Variants in GLT8D1 observed in about 807,000 individuals in gnomAD.
GLT8D1 encodes glycosyltransferase 8 domain-containing protein 1.
GLT8D1 carries 41 observed loss-of-function variants against 46.2 expected under a neutral mutation model. The ratio of observed to expected loss-of-function variants is 0.89; its 90% CI spans 0.69 to 1.15. The LOEUF is 1.15. GLT8D1 is among the 50% of genes most tolerant of loss of function. The pLI is 0.00. For synonymous variants in GLT8D1, 150 were observed against 154.2 expected, an observed-to-expected ratio of 0.97 and a Z score of 0.20; for missense variants, 408 against 449.3, an observed-to-expected ratio of 0.91 and a Z score of 0.83.
intron 7 of GLT8D1, 154 bp from the exon 8 acceptor site, chr3:52,695,741 A>G (rs755568601): frequency 4.7e-6 from 3 of 638,330 alleles, no homozygotes; most frequent in Non-Finnish European, 8.4e-6. Flanking sequence ...AGATGTTGAC[A>G]TAATAAACCA....
chr3:52,696,205 A>C (rs1229766829), intron 6 of GLT8D1, 29 bp downstream of exon 6: 1 of 1,434,304 alleles, frequency 7.0e-7, no homozygotes, highest in South Asian at 1.1e-5. Flanking sequence ...CTGGGTGGAG[A>C]ACAGCACTCA....
At chr3:52,695,109 A>C in intron 9 of GLT8D1, 74 bp from the exon 10 acceptor site, 25 of 1,439,434 alleles carry the variant, frequency 1.7e-5, no homozygotes, top group Non-Finnish European at 2.4e-5. Flanking sequence ...TAAGGGAAAC[A>C]AAGAATATAC....
intron 1 of GLT8D1, chr3:52,703,991 A>T (rs1014375454): frequency 3.9e-5 from 6 of 152,212 alleles, no homozygotes; most frequent in African/African-American, 1.4e-4. Context: ...TTAGCAACAC[A>T]GTTGGTCCTC....
At chr3:52,701,915 G>A (rs1158113575) in intron 1 of GLT8D1, among the ~76,000 whole-genome samples, 2 of 152,196 alleles carry the variant, frequency 1.3e-5, no homozygotes, top group Non-Finnish European at 2.9e-5. Flanking sequence ...CCAAGATATC[G>A]TGAACCTACC....
intron 1 of GLT8D1, among the ~76,000 whole-genome samples, chr3:52,701,663 G>A (rs969797810): frequency 1.3e-5 from 2 of 152,032 alleles, no homozygotes; most frequent in African/African-American, 2.4e-5. Context: ...CACCACGCCC[G>A]GCCAAAAAAA....
rs772425056 is a variant in GLT8D1 at position 52,694,843 on chromosome 3, T to G, written c.*2A>C. 2.5e-6 allele frequency: 4 copies of G among 1,600,608 alleles called. No homozygotes were observed. Among genetic ancestry groups the G allele is most frequent in the Non-Finnish European group, 2.6e-6 (3 of 1,167,874 alleles). On this transcript the variant is annotated 3_prime_UTR_variant, in exon 10 of 10. Transcript: ENST00000266014. ...ATGCTTGCTTACAGTTCAAATTCTG[T>G]TTCACTTTATGTTTGAGATCTCGGT...
chr3:52,697,609 C>A, intron 4 of GLT8D1, 112 bp downstream of exon 4: 6 of 775,030 alleles, frequency 7.7e-6, no homozygotes, highest in Admixed American at 5.4e-5. Flanking sequence ...ATCACTGGTA[C>A]AATTTCAATT....
At chr3:52,700,559 T>C in intron 1 of GLT8D1, 63 bp from the exon 2 acceptor site, 1 of 676,982 alleles carries the variant, frequency 1.5e-6, no homozygotes, top group South Asian at 2.0e-5. Flanking sequence ...CAAAATGCCC[T>C]AACACTTTTT....
rs1432133075 is a variant in GLT8D1 at position 52,695,526 on chromosome 3, G to C, written c.707C>G (p.Ala236Gly). The change falls in exon 8 of 10, where the codon GCC (alanine) becomes GGC (glycine). Residue 236 changes from alanine (A) to glycine (G), a missense_variant. Coordinates refer to ENST00000266014, the MANE Select transcript of GLT8D1 (RefSeq NM_018446.4). Reference sequence around the variant, plus strand: ...TCCAGGATTAAATGAGCAAGTGCTGGCTTTCATGGAAAGCTTACGAATTCT... The same window carrying C: ...TCCAGGATTAAATGAGCAAGTGCTGCCTTTCATGGAAAGCTTACGAATTCT... The part of the protein sequence containing the change: ...KERIRKLSMK[A>G]STCSFNPGVF... The C allele has an allele frequency of 5.0e-6, 8 of 1,610,916 alleles. No individual in the cohort carries two copies. The highest frequency in any genetic ancestry group is 1.3e-5 in the African/African-American group (1 of 74,846).
chr3:52,705,680 C>G lies in GLT8D1; in HGVS notation c.-270G>C, dbSNP rs1329044405. The G allele has an allele frequency of 3.1e-6, 1 of 326,032 alleles. No homozygotes were observed. The highest frequency in any genetic ancestry group is 5.9e-5 in the Admixed American group (1 of 16,912). 20.2% of individuals were successfully genotyped at this position (326,032 alleles called of 1,614,324 possible). On this transcript the variant is annotated 5_prime_UTR_variant, in exon 1 of 10. Transcript: ENST00000266014. ...GTTGTCTGGCCGCCCGCGTTCCCTG[C>G]ACGCTGGGCCGAGCACACTTGCCCT... is the stretch of plus-strand genomic sequence containing the variant.
At chr3:52,696,508 C>T in intron 5 of GLT8D1, 34 bp downstream of exon 5, 1 of 1,171,684 alleles carries the variant, frequency 8.5e-7, no homozygotes, top group Non-Finnish European at 1.3e-6. Context: ...TTTCCTAATA[C>T]TGCCAAGTGC....
intron 3 of GLT8D1, among the ~76,000 whole-genome samples, chr3:52,699,838 T>C (rs1335504145): frequency 6.6e-6 from 1 of 152,190 alleles, no homozygotes; most frequent in African/African-American, 2.4e-5. Flanking sequence ...CCTCAAACAT[T>C]TCTCAGTACC....
chr3:52,701,400 G>A (rs561690957), intron 1 of GLT8D1: 1 of 151,456 alleles, frequency 6.6e-6, no homozygotes, highest in South Asian at 2.1e-4. Flanking sequence ...ACGGAGTCTT[G>A]TTCTGTCGTC....
chr3:52,701,749 C>T (rs867328235), intron 1 of GLT8D1, among the ~76,000 whole-genome samples: 25 of 152,358 alleles, frequency 1.6e-4, no homozygotes, highest in African/African-American at 5.5e-4. Flanking sequence ...GTCTAATTGT[C>T]ACAATGTCCT....
Position 52,705,731 on chromosome 3 carries a change from C to T in GLT8D1, c.-321G>A. On this transcript the variant is annotated 5_prime_UTR_variant, in exon 1 of 10. Transcript: ENST00000266014. Reference sequence around the variant, plus strand: ...CTAGCTCCGTGGCAGCCGCGCAGCCCCACTACGCCCAGCCAGCCCGCAGCG... The same window carrying T: ...CTAGCTCCGTGGCAGCCGCGCAGCCTCACTACGCCCAGCCAGCCCGCAGCG... 1 of 756,504 alleles carries T rather than the reference C, an allele frequency of 1.3e-6. No individual in the cohort carries two copies. The highest frequency in any genetic ancestry group is 1.8e-6 in the Non-Finnish European group (1 of 565,008). 46.9% of individuals were successfully genotyped at this position (756,504 alleles called of 1,614,324 possible). A position where few individuals can be genotyped will look rare whatever the true frequency, so the allele number is the denominator to read the frequency against.
At chr3:52,704,390 C>G (rs891813483) in intron 1 of GLT8D1, among the ~76,000 whole-genome samples, 1 of 131,260 alleles carries the variant, frequency 7.6e-6, no homozygotes, top group African/African-American at 2.9e-5. Flanking sequence ...ACCCAGGAGG[C>G]GGAGGTTGCA....
chr3:52,694,646 G>A lies in GLT8D1; in HGVS notation c.*199C>T. On this transcript the variant is annotated 3_prime_UTR_variant, in exon 10 of 10. Transcript: ENST00000266014. ...TAGTAAGAAAACACTTGGTAAGGCAGATGGAGACATATTTATAGTCTATAG... is the reference window on the plus strand; with the variant it reads ...TAGTAAGAAAACACTTGGTAAGGCAAATGGAGACATATTTATAGTCTATAG... The A allele has an allele frequency of 1.6e-6, 1 of 622,060 alleles. No homozygotes were observed. Among genetic ancestry groups the A allele is most frequent in the South Asian group, 1.9e-5 (1 of 52,348 alleles). The allele number at this position is 622,060 out of a possible 1,614,324, so 38.5% of individuals were successfully genotyped here.
intron 4 of GLT8D1, among the ~76,000 whole-genome samples, 183 bp from the exon 5 acceptor site, chr3:52,696,842 T>C (rs1173454518): frequency 6.6e-6 from 1 of 152,226 alleles, no homozygotes; most frequent in Non-Finnish European, 1.5e-5. Context: ...ATTAAGATTG[T>C]ATGGTAATTA....
At position 52,697,718 on chromosome 3, in the gene GLT8D1, C is replaced by T. The variant is rs1384733580; in HGVS notation, c.329+3G>A. 1 of 1,585,662 alleles carries T rather than the reference C, an allele frequency of 6.3e-7. No individual in the cohort carries two copies. Among genetic ancestry groups the T allele is most frequent in the South Asian group, 1.1e-5 (1 of 90,566 alleles). ...GAAGCAGAATCACATAAGCAGAGCTCACCGGAGATGGTCTGCTGTATTGTT... is the reference window on the plus strand; with the variant it reads ...GAAGCAGAATCACATAAGCAGAGCTTACCGGAGATGGTCTGCTGTATTGTT... On this transcript the variant is annotated splice_donor_region_variant and intron_variant, in intron 4 of 9. Coordinates refer to ENST00000266014, the MANE Select transcript of GLT8D1 (RefSeq NM_018446.4).
Sources: allele counts gnomAD v4.1 joint callset (sites outside exome capture counted in the v4.1 genomes callset), GRCh38; gene constraint gnomAD v4.1.1; transcripts MANE v1.5; gene names NCBI Gene and HGNC (gene_info 2026-07-23, HGNC 2026-07-21).